The following HIPK2 variants were observed in gnomAD, a reference collection of about 807,000 sequenced individuals.
The protein encoded by HIPK2 is homeodomain-interacting protein kinase 2.
In HIPK2, 27 loss-of-function variants were observed where a neutral mutation model predicts 113.7. The observed-to-expected ratio is 0.24, with a 90% CI of 0.17 to 0.33. The LOEUF (loss-of-function observed/expected upper bound fraction) is 0.33. Among genes scored for constraint, HIPK2 ranks in the 10% least tolerant of loss-of-function variants. The pLI is 1.00. For missense variants in HIPK2, 1,257 were observed against 1,588.0 expected, an observed-to-expected ratio of 0.79 and a Z score of 3.54; for synonymous variants, 631 against 642.2, an observed-to-expected ratio of 0.98 and a Z score of 0.26.
Position 139,633,660 on chromosome 7 carries a change from A to G in HIPK2, c.1104-1935T>C, listed in dbSNP as rs887038808. Reference sequence around the variant, plus strand: ...GACCCTGTTTCTTAAAAAAAAAAAAAGGGGTTAGGCGCAGTGGTTCAGGCC... The same window carrying G: ...GACCCTGTTTCTTAAAAAAAAAAAAGGGGGTTAGGCGCAGTGGTTCAGGCC... On this transcript the variant is annotated intron_variant, in intron 2 of 14. Coordinates refer to ENST00000406875, the MANE Select transcript of HIPK2 (RefSeq NM_022740.5). Among the ~76,000 whole-genome samples, 392 of 147,932 alleles carry G rather than the reference A, an allele frequency of 2.6e-3. 2 individuals carry two copies. The highest frequency in any genetic ancestry group is 4.2e-3 in the Non-Finnish European group (283 of 66,872).
intron 12 of HIPK2, among the ~76,000 whole-genome samples, chr7:139,590,173 T>C (rs1798968434): frequency 6.6e-6 from 1 of 152,182 alleles, no homozygotes. Flanking sequence ...ATCAATCCCA[T>C]TATGAGTTGG....
At chr7:139,637,529 C>T (rs1286356415) in intron 2 of HIPK2, among the ~76,000 whole-genome samples, 10 of 152,138 alleles carry the variant, frequency 6.6e-5, no homozygotes, top group Admixed American at 6.6e-4. Context: ...CCTTCTCATC[C>T]CTCAAATCTT....
chr7:139,742,742 A>T (rs979776043), intron 1 of HIPK2, among the ~76,000 whole-genome samples: 2 of 152,206 alleles, frequency 1.3e-5, no homozygotes, highest in African/African-American at 4.8e-5. Flanking sequence ...AAGCAAAAGG[A>T]GCATGAAGAC....
At chr7:139,666,706 C>T (rs914415324) in intron 2 of HIPK2, among the ~76,000 whole-genome samples, 1 of 152,098 alleles carries the variant, frequency 6.6e-6, no homozygotes, top group Non-Finnish European at 1.5e-5. Context: ...GCTGATATAA[C>T]AAAAAGATGT....
intron 2 of HIPK2, among the ~76,000 whole-genome samples, chr7:139,657,530 C>G (rs967884649): frequency 6.6e-6 from 1 of 152,224 alleles, no homozygotes; most frequent in Non-Finnish European, 1.5e-5. Flanking sequence ...CCAAATGATT[C>G]TTGGCCATCA....
At chr7:139,685,572 C>T (rs1794190376) in intron 2 of HIPK2, among the ~76,000 whole-genome samples, 1 of 152,222 alleles carries the variant, frequency 6.6e-6, no homozygotes, top group Non-Finnish European at 1.5e-5. Context: ...ATTCAAAGGA[C>T]AGGCTTGCTC....
chr7:139,719,031 C>T (rs946773088), intron 1 of HIPK2, among the ~76,000 whole-genome samples: 2 of 152,196 alleles, frequency 1.3e-5, no homozygotes, highest in East Asian at 1.9e-4. Context: ...CTGCTGACCA[C>T]GACTTCCTTC....
intron 12 of HIPK2, among the ~76,000 whole-genome samples, chr7:139,590,941 C>T (rs530677900): frequency 5.9e-5 from 9 of 152,240 alleles, no homozygotes; most frequent in Admixed American, 2.0e-4. Flanking sequence ...AACTCCTGGG[C>T]GGAAGCAATC....
intron 1 of HIPK2, among the ~76,000 whole-genome samples, chr7:139,756,044 C>T (rs185429121): frequency 6.7e-4 from 102 of 152,346 alleles, no homozygotes; most frequent in Non-Finnish European, 6.2e-4. Context: ...TCCCATTTAA[C>T]CAATGAACGA....
intron 1 of HIPK2, among the ~76,000 whole-genome samples, chr7:139,736,733 C>A (rs1376611989): frequency 1.3e-5 from 2 of 152,212 alleles, no homozygotes; most frequent in Non-Finnish European, 2.9e-5. Flanking sequence ...AACACAGCAA[C>A]CCTTGCGGAA....
At chr7:139,601,637 T>C (rs906333217) in intron 10 of HIPK2, among the ~76,000 whole-genome samples, 1 of 152,216 alleles carries the variant, frequency 6.6e-6, no homozygotes, top group South Asian at 2.1e-4. Flanking sequence ...CTGGCAGCCC[T>C]CATCCTAAAA....
At chr7:139,599,528 T>C (rs911370953) in intron 11 of HIPK2, among the ~76,000 whole-genome samples, 40 of 152,304 alleles carry the variant, frequency 2.6e-4, no homozygotes, top group African/African-American at 6.7e-4. Flanking sequence ...AAAGTGTTCA[T>C]TGAGATGAGA....
intron 6 of HIPK2, among the ~76,000 whole-genome samples, chr7:139,621,778 C>G (rs544648238): frequency 9.2e-5 from 14 of 151,704 alleles, no homozygotes; most frequent in Non-Finnish European, 2.1e-4. Flanking sequence ...TAAAAATTAG[C>G]TGGCTGTGGT....
At chr7:139,588,832 A>C (rs1798923418) in intron 12 of HIPK2, among the ~76,000 whole-genome samples, 1 of 152,152 alleles carries the variant, frequency 6.6e-6, no homozygotes. Flanking sequence ...CTCCCACCTC[A>C]CACTGTTTCG....
intron 9 of HIPK2, among the ~76,000 whole-genome samples, chr7:139,605,553 AT>A (rs1799591805): frequency 6.6e-6 from 1 of 152,144 alleles, no homozygotes; most frequent in Non-Finnish European, 1.5e-5. Flanking sequence ...AATTCTGGAA[AT>A]GGATTACAGA....
chr7:139,759,836 CAG>C (rs2117138513), intron 1 of HIPK2, among the ~76,000 whole-genome samples: 1 of 151,994 alleles, frequency 6.6e-6, no homozygotes, highest in South Asian at 2.1e-4. Flanking sequence ...ATCTGCAAAA[CAG>C]AAATAATAAA....
At chr7:139,622,134 A>C (rs959455905) in intron 6 of HIPK2, among the ~76,000 whole-genome samples, 7 of 152,134 alleles carry the variant, frequency 4.6e-5, no homozygotes, top group African/African-American at 1.7e-4. Flanking sequence ...GCTATTCCCA[A>C]ACATCCTGTG....
In HIPK2 at chr7:139,583,910, T is replaced by C. The variant is rs777004868; in HGVS notation, c.2872A>G (p.Asn958Asp). ...NAFDTKGSLENHCTGNPRTII... is the reference protein window; with the variant it reads ...NAFDTKGSLEDHCTGNPRTII... ...GTTCGGGGGTTCCCCGTGCAGTGAT[T>C]CTCCAGGCTCCCCTTGGTGTCAAAG... is the stretch of plus-strand genomic sequence containing the variant. Residue 958 changes from asparagine (N) to aspartate (D), a missense_variant, in exon 13 of 15, where the codon AAT (asparagine) becomes GAT (aspartate). Physicochemically the swap from Asn to Asp is conservative, Grantham distance 23. Around this residue, in one of 5 missense-constraint regions of HIPK2, gnomAD observed 862 missense variants for 1,004.3 expected, o/e 0.86. Coordinates refer to ENST00000406875, the MANE Select transcript of HIPK2 (RefSeq NM_022740.5). 4 of 1,613,936 alleles carry C rather than the reference T, an allele frequency of 2.5e-6. No individual in the cohort carries two copies. The South Asian group carries it at 3.3e-5, about 13-fold the overall frequency.
intron 9 of HIPK2, among the ~76,000 whole-genome samples, chr7:139,607,627 GA>G: frequency 6.6e-6 from 1 of 152,134 alleles, no homozygotes; most frequent in African/African-American, 2.4e-5. Flanking sequence ...GTGTTAGAAA[GA>G]AAACATAATC....
Sources: gnomAD v4.1 joint callset for allele counts (sites outside exome capture counted in the v4.1 genomes callset) on GRCh38, gnomAD v4.1.1 for gene constraint, gnomAD v4.1.1 regional missense constraint, MANE v1.5 for transcripts, NCBI Gene and HGNC (gene_info 2026-07-23, HGNC 2026-07-21) for gene names.